Variants in CYP19A1 observed in about 807,000 individuals in gnomAD.
The protein encoded by CYP19A1 is cytochrome P450 family 19 subfamily A member 1.
Under a neutral mutation model 44.4 loss-of-function variants are expected in CYP19A1, and 32 were observed. The ratio of observed to expected loss-of-function variants is 0.72; its 90% confidence interval spans 0.54 to 0.97. CYP19A1 has a LOEUF of 0.97. Ranked by LOEUF, CYP19A1 falls within the 50% of genes least tolerant of loss-of-function variation. The probability of loss-of-function intolerance (pLI) is 0.00; values close to 1 mark genes in which losing one functional copy is unlikely to be tolerated. For missense variants in CYP19A1, 598 were observed against 637.8 expected (o/e 0.94, Z 0.67); for synonymous variants, 212 against 215.6 (o/e 0.98, Z 0.14).
intron 1 of CYP19A1, among the ~76,000 whole-genome samples, chr15:51,336,122 G>GT (rs2036771227): frequency 6.6e-6 from 1 of 152,170 alleles, no homozygotes; most frequent in Admixed American, 6.5e-5. Flanking sequence ...GCTCTTCAGT[G>GT]ATATGATCTC....
intron 1 of CYP19A1, among the ~76,000 whole-genome samples, chr15:51,322,407 C>T (rs2036543119): frequency 6.6e-6 from 1 of 152,194 alleles, no homozygotes; most frequent in Non-Finnish European, 1.5e-5. Context: ...ATGTAAATAC[C>T]TCTCTTTTTG....
rs370444687 is a variant in CYP19A1 at position 51,210,824 on chromosome 15, C to G, written c.1496G>C (p.Arg499Thr). Residue 499 changes from arginine (R) to threonine (T), a missense_variant, in exon 10 of 10, where the codon AGG becomes ACG. Coordinates refer to ENST00000396402, the MANE Select transcript of CYP19A1 (RefSeq NM_000103.4). Reference protein sequence around the residue: ...EMIFTPRNSDRCLEH With the variant: ...EMIFTPRNSDTCLEH Reference sequence around the variant, plus strand: ...CAGCCTTCTCTAGTGTTCCAGACACCTGTCTGAGTTTCTTGGGGTAAAGAT... The same window carrying G: ...CAGCCTTCTCTAGTGTTCCAGACACGTGTCTGAGTTTCTTGGGGTAAAGAT... The G allele has an allele frequency of 4.4e-6, 7 of 1,592,854 alleles. No homozygotes were observed. Among genetic ancestry groups the G allele is most frequent in the South Asian group, 1.1e-5 (1 of 90,696 alleles).
At chr15:51,236,087 C>T (rs559429856) in intron 3 of CYP19A1, among the ~76,000 whole-genome samples, 1 of 152,220 alleles carries the variant, frequency 6.6e-6, no homozygotes, top group South Asian at 2.1e-4. Context: ...TAGTTATCCA[C>T]AAAATATAAT....
chr15:51,236,560 T>C (rs2033406009), intron 3 of CYP19A1, among the ~76,000 whole-genome samples: 1 of 152,220 alleles, frequency 6.6e-6, no homozygotes, highest in South Asian at 2.1e-4. Flanking sequence ...CTCCCTAAAG[T>C]ATGTTTTGTC....
chr15:51,227,771 C>T lies in CYP19A1; in HGVS notation c.451+8G>A, dbSNP rs28892004. The T allele has an allele frequency of 2.0e-4, 273 of 1,364,648 alleles. 2 individuals carry two copies. The African/African-American group carries it at 3.4e-3, about 17-fold the overall frequency. The allele number at this position is 1,364,648 out of a possible 1,614,324, so 84.5% of individuals were successfully genotyped here. The stretch of plus-strand genomic sequence containing the variant: ...AAAAAGATTGTAGCTAACTAAGTAC[C>T]TGCTTACCTTTCATAAAGAAGGGTC... On this transcript the variant is annotated splice_region_variant and intron_variant, in intron 4 of 9. Coordinates refer to ENST00000396402, the MANE Select transcript of CYP19A1 (RefSeq NM_000103.4).
At chr15:51,213,792 TTACTG>T (rs1222929995) in intron 8 of CYP19A1, among the ~76,000 whole-genome samples, 1 of 152,146 alleles carries the variant, frequency 6.6e-6, no homozygotes, top group Non-Finnish European at 1.5e-5. Context: ...CGGTCTCTCT[TTACTG>T]TATTGAGCTT....
At chr15:51,216,643 T>G (rs2031609564) in intron 6 of CYP19A1, among the ~76,000 whole-genome samples, 2 of 152,224 alleles carry the variant, frequency 1.3e-5, no homozygotes, top group South Asian at 4.1e-4. Flanking sequence ...TAGGTATCAT[T>G]CTTGATATTT....
At chr15:51,298,275 C>A (rs1277077734) in intron 1 of CYP19A1, among the ~76,000 whole-genome samples, 5 of 152,144 alleles carry the variant, frequency 3.3e-5, no homozygotes, top group Admixed American at 2.0e-4. Flanking sequence ...GATTTAGCAC[C>A]CTGATGTCAT....
intron 1 of CYP19A1, among the ~76,000 whole-genome samples, chr15:51,337,637 G>A (rs1354206395): frequency 2.0e-5 from 3 of 152,324 alleles, no homozygotes; most frequent in Admixed American, 6.5e-5. Context: ...AAGGGTACTC[G>A]GAGTTAGGCC....
chr15:51,211,781 T>A (rs1029759956), intron 9 of CYP19A1: 6 of 335,830 alleles, frequency 1.8e-5, no homozygotes, highest in Non-Finnish European at 5.9e-6. Context: ...GAATCTGTAG[T>A]ACACATCAAT....
chr15:51,301,312 C>A (rs1203755149), intron 1 of CYP19A1, among the ~76,000 whole-genome samples: 4 of 152,230 alleles, frequency 2.6e-5, no homozygotes, highest in African/African-American at 7.2e-5. Context: ...CCCTCAAAGG[C>A]AGACATTGAG....
chr15:51,325,253 G>A lies in CYP19A1; in HGVS notation c.-39+13242C>T, dbSNP rs183444608. On this transcript the variant is annotated intron_variant, in intron 1 of 9. Transcript: ENST00000396402. ...GCTACAGGGTGAAGCCCTTATAGTG[G>A]ATCTGAATGGCAAGCTGAAGACAGA... Among the ~76,000 whole-genome samples, 62 of 152,214 alleles carry A rather than the reference G, an allele frequency of 4.1e-4. 1 individual carries two copies. The South Asian group carries it at 6.4e-3, about 16-fold the overall frequency.
intron 1 of CYP19A1, among the ~76,000 whole-genome samples, chr15:51,281,331 T>C (rs2035509904): frequency 6.6e-6 from 1 of 152,172 alleles, no homozygotes; most frequent in Non-Finnish European, 1.5e-5. Flanking sequence ...CTATACCAGA[T>C]GTTTGGGTCA....
chr15:51,283,362 G>T (rs2035592324), intron 1 of CYP19A1, among the ~76,000 whole-genome samples: 1 of 152,132 alleles, frequency 6.6e-6, no homozygotes, highest in African/African-American at 2.4e-5. Context: ...TTAAAACCTG[G>T]AGCAATTGGT....
intron 6 of CYP19A1, 75 bp downstream of exon 6, chr15:51,218,466 G>T (rs1350128907): frequency 1.3e-6 from 2 of 1,540,476 alleles, no homozygotes; most frequent in Non-Finnish European, 1.7e-6. Flanking sequence ...GAGAGGCCAA[G>T]AAAAACAGCA....
intron 3 of CYP19A1, among the ~76,000 whole-genome samples, chr15:51,230,698 A>T (rs2032960665): frequency 6.7e-6 from 1 of 149,042 alleles, no homozygotes; most frequent in African/African-American, 2.5e-5. Flanking sequence ...AGCTAATTGC[A>T]AACTCCACCT....
At chr15:51,211,161 G>T in intron 9 of CYP19A1, 105 bp from the exon 10 acceptor site, 1 of 778,694 alleles carries the variant, frequency 1.3e-6, no homozygotes, top group Non-Finnish European at 2.3e-6. Flanking sequence ...ACTGTTTTGG[G>T]GTTATCAGCT....
chr15:51,303,763 G>C (rs1297075554), intron 1 of CYP19A1, among the ~76,000 whole-genome samples: 3 of 152,234 alleles, frequency 2.0e-5, no homozygotes, highest in African/African-American at 4.8e-5. Flanking sequence ...CAGTGAGAGG[G>C]CAGAGAGGAG....
chr15:51,272,332 C>T (rs556128153), intron 1 of CYP19A1, among the ~76,000 whole-genome samples: 4 of 152,182 alleles, frequency 2.6e-5, no homozygotes, highest in Non-Finnish European at 5.9e-5. Flanking sequence ...CTTCATTAGG[C>T]TATGAGCTTC....
Sources: gnomAD v4.1 joint callset for allele counts (sites outside exome capture counted in the v4.1 genomes callset) on GRCh38, gnomAD v4.1.1 for gene constraint, MANE v1.5 for transcripts, NCBI Gene and HGNC (gene_info 2026-07-23, HGNC 2026-07-21) for gene names.